The following LRRC4C variants were observed in gnomAD, a reference collection of about 807,000 sequenced individuals.
The protein encoded by LRRC4C is leucine-rich repeat-containing protein 4C.
A neutral mutation model predicts 33.6 loss-of-function variants in LRRC4C; 5 were observed. That is an observed-to-expected ratio of 0.15 (90% CI 0.08 to 0.31). The LOEUF (loss-of-function observed/expected upper bound fraction) is 0.31, where lower values mean the gene tolerates loss of function less well. LRRC4C is among the 10% of genes least tolerant of loss of function. The pLI is 1.00. For missense variants in LRRC4C, 560 were observed against 796.7 expected, an observed-to-expected ratio of 0.70 and a Z score of 3.58; for synonymous variants, 329 against 302.0, an observed-to-expected ratio of 1.09 and a Z score of -0.93.
At chr11:41,312,664 G>A (rs1219484939) in intron 1 of LRRC4C, among the ~76,000 whole-genome samples, 2 of 152,138 alleles carry the variant, frequency 1.3e-5, no homozygotes, top group African/African-American at 4.8e-5. Context: ...GGATCATAAG[G>A]AAACAGTAGA....
intron 1 of LRRC4C, among the ~76,000 whole-genome samples, chr11:41,384,553 G>A (rs1429287443): frequency 1.3e-5 from 2 of 151,466 alleles, no homozygotes; most frequent in Admixed American, 6.6e-5. Flanking sequence ...ACATATGGTA[G>A]AAGAAAATCT....
At chr11:41,304,310 C>T (rs1159891657) in intron 1 of LRRC4C, among the ~76,000 whole-genome samples, 1 of 110,940 alleles carries the variant, frequency 9.0e-6, no homozygotes, top group African/African-American at 3.5e-5. Flanking sequence ...AGTGAGGAGC[C>T]CCTCTGCCCG....
In LRRC4C at chr11:40,807,197, A is replaced by G. The variant is rs541479323; in HGVS notation, c.-407+126438T>C. ...TTTCCAATAGACTGATAAGTTGTCA[A>G]TAATAAAAGTCAATTTCATAGTTGG... On this transcript the variant is annotated intron_variant, in intron 2 of 6. Coordinates refer to ENST00000528697, the MANE Select transcript of LRRC4C (RefSeq NM_001258419.2). Among the ~76,000 whole-genome samples the G allele has an allele frequency of 3.3e-5, 5 of 152,294 alleles. No individual in the cohort carries two copies. In the South Asian group the frequency reaches 1.0e-3, roughly 32 times the overall value.
intron 2 of LRRC4C, among the ~76,000 whole-genome samples, chr11:40,693,807 A>C (rs1359920358): frequency 6.6e-6 from 1 of 152,124 alleles, no homozygotes; most frequent in Non-Finnish European, 1.5e-5. Flanking sequence ...GGAAAATAAA[A>C]GGTGAGTTGG....
Position 40,116,071 on chromosome 11 carries a change from G to A in LRRC4C, c.222C>T (p.Ile74=), listed in dbSNP as rs778606934. 41 of 1,613,960 alleles carry A rather than the reference G, an allele frequency of 2.5e-5. No individual in the cohort carries two copies. In the East Asian group the frequency reaches 8.9e-4, roughly 35 times the overall value. ...RKNLREVPDG[I]STNTRLLNLH... is the part of the protein sequence containing the mutation. ...GGTTCAGCAGCCGTGTGTTGGTGGAGATGCCATCCGGAACCTCACGCAGGT... is the reference window on the plus strand; with the variant it reads ...GGTTCAGCAGCCGTGTGTTGGTGGAAATGCCATCCGGAACCTCACGCAGGT... Residue 74 remains isoleucine, a synonymous_variant, in exon 7 of 7, where the codon ATC becomes ATT. Transcript: ENST00000528697.
At chr11:40,870,644 C>T (rs574446653) in intron 2 of LRRC4C, among the ~76,000 whole-genome samples, 161 of 152,332 alleles carry the variant, frequency 1.1e-3, no homozygotes, top group Non-Finnish European at 2.0e-3. Context: ...CTTCCCCAAT[C>T]AATACCCTTG....
At chr11:40,461,052 C>G (rs1474462514) in intron 3 of LRRC4C, among the ~76,000 whole-genome samples, 1 of 151,996 alleles carries the variant, frequency 6.6e-6, no homozygotes, top group Non-Finnish European at 1.5e-5. Flanking sequence ...AATGCCCAAG[C>G]CTAAAGTTTA....
rs58139193 is a variant in LRRC4C at position 41,279,428 on chromosome 11, A to ACACACACACC, written c.-496+180002_-496+180003insGGTGTGTGTG. Among the ~76,000 whole-genome samples, 207 of 140,882 alleles carry ACACACACACC rather than the reference A, an allele frequency of 1.5e-3. 1 individual carries two copies. The highest frequency in any genetic ancestry group is 3.6e-3 in the African/African-American group (131 of 36,806). The allele number at this position is 140,882 out of a possible 152,430, so 92.4% of individuals were successfully genotyped here. A position where few individuals can be genotyped will look rare whatever the true frequency, so the allele number is the denominator to read the frequency against. On this transcript the variant is annotated intron_variant, in intron 1 of 6. Coordinates refer to ENST00000528697, the MANE Select transcript of LRRC4C (RefSeq NM_001258419.2). ...CACACACACACACACACACACACAC[A>ACACACACACC]CCGTGGCAATCACTGCCTGCAATGG...
chr11:41,064,617 T>C (rs1938069157), intron 1 of LRRC4C, among the ~76,000 whole-genome samples: 1 of 152,186 alleles, frequency 6.6e-6, no homozygotes, highest in Non-Finnish European at 1.5e-5. Flanking sequence ...TGTCAAATTG[T>C]GACCCACCAG....
intron 1 of LRRC4C, among the ~76,000 whole-genome samples, chr11:41,377,362 G>A (rs953154265): frequency 2.0e-5 from 3 of 152,104 alleles, no homozygotes; most frequent in African/African-American, 7.2e-5. Flanking sequence ...TCTTTCCCAA[G>A]ACCAGTACAA....
intron 4 of LRRC4C, among the ~76,000 whole-genome samples, chr11:40,268,123 G>A (rs1380582512): frequency 1.3e-5 from 2 of 152,210 alleles, no homozygotes; most frequent in Non-Finnish European, 2.9e-5. Flanking sequence ...GTACAGGGAA[G>A]AGCAAGAATA....
chr11:41,121,573 C>T (rs1942433147), intron 1 of LRRC4C, among the ~76,000 whole-genome samples: 1 of 152,090 alleles, frequency 6.6e-6, no homozygotes, highest in Non-Finnish European at 1.5e-5. Flanking sequence ...GATAATTCAA[C>T]CCAGAATATA....
intron 3 of LRRC4C, among the ~76,000 whole-genome samples, chr11:40,484,634 C>A (rs949731265): frequency 6.6e-6 from 1 of 151,942 alleles, no homozygotes; most frequent in Non-Finnish European, 1.5e-5. Context: ...TATGCTTTAT[C>A]AAACTATTTA....
intron 3 of LRRC4C, among the ~76,000 whole-genome samples, chr11:40,630,392 T>TTC: frequency 8.2e-6 from 1 of 122,634 alleles, no homozygotes; most frequent in African/African-American, 3.6e-5. Flanking sequence ...TCTTCTTCTT[T>TTC]TCTTCCTCTT....
At chr11:41,328,951 G>A (rs1002413994) in intron 1 of LRRC4C, among the ~76,000 whole-genome samples, 1 of 152,160 alleles carries the variant, frequency 6.6e-6, no homozygotes. Context: ...ACACGTGAGT[G>A]TTAAGATGTG....
chr11:40,252,442 C>T (rs151119420), intron 4 of LRRC4C, among the ~76,000 whole-genome samples: 23 of 152,094 alleles, frequency 1.5e-4, no homozygotes, highest in African/African-American at 5.3e-4. Flanking sequence ...AGGATCTTAC[C>T]ACATATTTTA....
chr11:40,811,297 T>C (rs1417851254), intron 2 of LRRC4C, among the ~76,000 whole-genome samples: 1 of 152,130 alleles, frequency 6.6e-6, no homozygotes, highest in Non-Finnish European at 1.5e-5. Context: ...CCATAGCACC[T>C]AAGATTATGT....
At chr11:40,965,708 G>C (rs1489698941) in intron 1 of LRRC4C, among the ~76,000 whole-genome samples, 1 of 152,038 alleles carries the variant, frequency 6.6e-6, no homozygotes, top group African/African-American at 2.4e-5. Context: ...TGAGGGTTCT[G>C]TTCTGTTCCA....
chr11:40,177,326 T>C (rs1175686162), intron 5 of LRRC4C, among the ~76,000 whole-genome samples: 1 of 152,146 alleles, frequency 6.6e-6, no homozygotes, highest in Non-Finnish European at 1.5e-5. Context: ...CCATCTCTGG[T>C]CAAAACCCAC....
Sources: allele counts gnomAD v4.1 joint callset (sites outside exome capture counted in the v4.1 genomes callset), GRCh38; gene constraint gnomAD v4.1.1; transcripts MANE v1.5; gene names NCBI Gene and HGNC (gene_info 2026-07-23, HGNC 2026-07-21).